The following GLYCTK variants were observed in gnomAD, a reference collection of about 807,000 sequenced individuals.
GLYCTK encodes the protein HBeAg binding protein 4.
A neutral mutation model predicts 24.8 loss-of-function variants in GLYCTK; 22 were observed. That is an observed-to-expected ratio of 0.89 (90% CI 0.63 to 1.27). The LOEUF (loss-of-function observed/expected upper bound fraction) is 1.27, where lower values mean the gene tolerates loss of function less well. Among genes scored for constraint, GLYCTK ranks in the 50% most tolerant of loss-of-function variants. The pLI is 0.00. For synonymous variants in GLYCTK, 320 were observed against 297.2 expected, an observed-to-expected ratio of 1.08 and a Z score of -0.79; for missense variants, 684 against 686.7, an observed-to-expected ratio of 1.00 and a Z score of 0.04.
intron 3 of GLYCTK, chr3:52,291,392 A>C: frequency 1.7e-6 from 1 of 585,510 alleles, no homozygotes. Context: ...GAGTCCTTGG[A>C]AAATGTCACT....
rs750095774 is a variant in GLYCTK at position 52,290,676 on chromosome 3, G to A, written c.334G>A (p.Val112Ile). The A allele has an allele frequency of 1.2e-5, 19 of 1,613,318 alleles. No individual in the cohort carries two copies. The highest frequency in any genetic ancestry group is 2.2e-5 in the South Asian group (2 of 91,082). Residue 112 changes from valine (V) to isoleucine (I), a missense_variant, in exon 2 of 5, where the codon GTT (valine) becomes ATT (isoleucine). Transcript: ENST00000436784. ...GCATCTTGTGCAGGGCGTGATCAGCGTTCCCAAGGGGATCCGTGCTGCCAT... is the reference window on the plus strand; with the variant it reads ...GCATCTTGTGCAGGGCGTGATCAGCATTCCCAAGGGGATCCGTGCTGCCAT... ...GQHLVQGVIS[V>I]PKGIRAAMER...
intron 3 of GLYCTK, 173 bp from the exon 4 acceptor site, chr3:52,291,574 G>A: frequency 3.1e-6 from 2 of 635,792 alleles, no homozygotes; most frequent in Admixed American, 2.8e-5. Context: ...CAAGGCAGGG[G>A]CAACCTCAGG....
rs769647182 is a variant in GLYCTK at position 52,294,325 on chromosome 3, G to A, written c.*1199G>A. 1.5e-5 allele frequency: 8 copies of A among 534,534 alleles called. 1 individual carries two copies. The highest frequency in any genetic ancestry group is 9.8e-5 in the South Asian group (7 of 71,588). 33.1% of individuals were successfully genotyped at this position (534,534 alleles called of 1,614,324 possible). On this transcript the variant is annotated 3_prime_UTR_variant, in exon 5 of 5. Coordinates refer to ENST00000436784, the MANE Select transcript of GLYCTK (RefSeq NM_145262.4). ...GCGAGGCCTGGGGCTGCTCTTGCAGGCACTTCTTCCACCCCAACCCTCCCC... is the reference window on the plus strand; with the variant it reads ...GCGAGGCCTGGGGCTGCTCTTGCAGACACTTCTTCCACCCCAACCCTCCCC...
chr3:52,292,061 T>C, intron 4 of GLYCTK, 139 bp downstream of exon 4: 2 of 1,127,156 alleles, frequency 1.8e-6, no homozygotes, highest in Non-Finnish European at 2.6e-6. Context: ...GGTGACATCA[T>C]GGGAGGGGTG....
At chr3:52,288,941 C>T (rs932124521) in intron 1 of GLYCTK, 4 of 152,268 alleles carry the variant, frequency 2.6e-5, no homozygotes, top group Middle Eastern at 3.4e-3. Flanking sequence ...GAGAACTAGG[C>T]AAGCAAAATG....
Position 52,293,821 on chromosome 3 carries a change from C to A in GLYCTK, c.*695C>A, listed in dbSNP as rs760721069. 4.4e-6 allele frequency: 2 copies of A among 454,056 alleles called. No individual in the cohort carries two copies. The highest frequency in any genetic ancestry group is 4.7e-5 in the Admixed American group (2 of 42,560). 28.1% of individuals were successfully genotyped at this position (454,056 alleles called of 1,614,324 possible). ...TTCTCCAGCCTCAGCTTGTAGGCCT[C>A]GTTGGATGGATGTCCTTTCTGTCTT... On this transcript the variant is annotated 3_prime_UTR_variant, in exon 5 of 5. Transcript: ENST00000436784.
rs772318867 is a variant in GLYCTK at position 52,294,817 on chromosome 3, C to G, written c.*1691C>G. 3.5e-5 allele frequency: 16 copies of G among 454,014 alleles called. No individual in the cohort carries two copies. Among genetic ancestry groups the G allele is most frequent in the South Asian group, 2.3e-4 (15 of 64,472 alleles). 28.1% of individuals were successfully genotyped at this position (454,014 alleles called of 1,614,324 possible). On this transcript the variant is annotated 3_prime_UTR_variant, in exon 5 of 5. Coordinates refer to ENST00000436784, the MANE Select transcript of GLYCTK (RefSeq NM_145262.4). ...AGAGCTGGGGCAGGGGCTGCAGGAGCTGAGGGCCTGGCAGCCATGTCCCCA... is the reference window on the plus strand; with the variant it reads ...AGAGCTGGGGCAGGGGCTGCAGGAGGTGAGGGCCTGGCAGCCATGTCCCCA...
In GLYCTK at chr3:52,294,747, G is replaced by C. The variant is rs1399074009; in HGVS notation, c.*1621G>C. On this transcript the variant is annotated 3_prime_UTR_variant, in exon 5 of 5. Coordinates refer to ENST00000436784, the MANE Select transcript of GLYCTK (RefSeq NM_145262.4). Reference sequence around the variant, plus strand: ...CCTCAGTCCTTGCTCTTGGGAGCATGAGTATTGGCACTGGGTTCCAAGTTC... The same window carrying C: ...CCTCAGTCCTTGCTCTTGGGAGCATCAGTATTGGCACTGGGTTCCAAGTTC... 4.5e-6 allele frequency: 2 copies of C among 449,196 alleles called. No homozygotes were observed. The highest frequency in any genetic ancestry group is 3.1e-5 in the South Asian group (2 of 64,200). The allele number at this position is 449,196 out of a possible 1,614,324, so 27.8% of individuals were successfully genotyped here.
intron 3 of GLYCTK, chr3:52,291,384 G>C (rs924101572): frequency 2.7e-5 from 16 of 588,518 alleles, no homozygotes; most frequent in Non-Finnish European, 3.6e-5. Flanking sequence ...CATCCGTAGA[G>C]TCCTTGGAAA....
chr3:52,291,182 TC>T, intron 3 of GLYCTK, 71 bp downstream of exon 3: 1 of 1,575,840 alleles, frequency 6.3e-7, no homozygotes, highest in Admixed American at 1.7e-5. Flanking sequence ...CTTCGAGAGA[TC>T]AGGTCTGAGC....
In GLYCTK at chr3:52,290,572, T is replaced by C. The variant is rs767085193; in HGVS notation, c.230T>C (p.Leu77Pro). ...AAGGTGCGGGACCGGAACTTTCAGC[T>C]GAGGCAAAACCTCTACCTGGTGGGC... ...QLKVRDRNFQ[L>P]RQNLYLVGFG... Residue 77 changes from leucine to proline, a missense_variant, in exon 2 of 5, where the codon CTG (leucine) becomes CCG (proline). By Grantham distance (98) the Leu-to-Pro change is moderately conservative (BLOSUM62 -3). Transcript: ENST00000436784. The C allele has an allele frequency of 1.2e-6, 2 of 1,613,838 alleles. No individual in the cohort carries two copies. The highest frequency in any genetic ancestry group is 1.7e-6 in the Non-Finnish European group (2 of 1,180,024).
At position 52,292,790 on chromosome 3, in the gene GLYCTK, A is replaced by G. The variant is rs1348569245; in HGVS notation, c.1236A>G (p.Val412=). ...TGCTGGCTGGTGGCGAGCCCACAGT[A>G]CAGCTGCAGGGCTCGGGCAGGGGTG... is the stretch of plus-strand genomic sequence containing the variant. ...VCLLAGGEPT[V]QLQGSGRGGR... The change falls in exon 5 of 5, where the codon GTA becomes GTG. Residue 412 remains valine, a synonymous_variant. Transcript: ENST00000436784. The G allele has an allele frequency of 6.2e-7, 1 of 1,610,806 alleles. No individual in the cohort carries two copies. The highest frequency in any genetic ancestry group is 1.1e-5 in the South Asian group (1 of 90,760).
intron 1 of GLYCTK, among the ~76,000 whole-genome samples, chr3:52,289,619 C>G (rs1700396671): frequency 6.6e-6 from 1 of 152,252 alleles, no homozygotes; most frequent in Non-Finnish European, 1.5e-5. Context: ...ATGAGCCAGA[C>G]TTTGCCCTCA....
At chr3:52,288,038 G>A (rs1407021309) in intron 1 of GLYCTK, 162 bp downstream of exon 1, 1 of 292,204 alleles carries the variant, frequency 3.4e-6, no homozygotes. Context: ...CGTCACTTCC[G>A]GCCCCCTACT....
At chr3:52,290,274 A>C (rs770813462) in intron 1 of GLYCTK, 30 bp from the exon 2 acceptor site, 2 of 1,550,668 alleles carry the variant, frequency 1.3e-6, no homozygotes, top group East Asian at 4.5e-5. Flanking sequence ...TTTGCCTTGC[A>C]AGGGCCTCAG....
rs1345991477 is a variant in GLYCTK, at chr3:52,293,372, G to C, written c.*246G>C. ...GAGGACAAGCCCCTCGGCCAGTTCA[G>C]CGTTCCCGTGCTTCTCCCTTGGGCA... is the stretch of plus-strand genomic sequence containing the variant. On this transcript the variant is annotated 3_prime_UTR_variant, in exon 5 of 5. Coordinates refer to ENST00000436784, the MANE Select transcript of GLYCTK (RefSeq NM_145262.4). 2 of 687,194 alleles carry C rather than the reference G, an allele frequency of 2.9e-6. No individual in the cohort carries two copies. Among genetic ancestry groups the C allele is most frequent in the South Asian group, 1.5e-5 (1 of 66,660 alleles). 42.6% of individuals were successfully genotyped at this position (687,194 alleles called of 1,614,324 possible). A position where few individuals can be genotyped will look rare whatever the true frequency, so the allele number is the denominator to read the frequency against.
Position 52,290,695 on chromosome 3 carries a change from C to T in GLYCTK, c.353C>T (p.Ala118Val), listed in dbSNP as rs754906771. Reference protein sequence around the residue: ...GVISVPKGIRAAMERAGKQEM... With the variant: ...GVISVPKGIRVAMERAGKQEM... ...ATCAGCGTTCCCAAGGGGATCCGTG[C>T]TGCCATGGAGCGTGCCGGCAAGCAG... The change falls in exon 2 of 5, where the codon GCT becomes GTT. Residue 118 changes from alanine to valine, a missense_variant. By Grantham distance (64) the Ala-to-Val change is moderately conservative (BLOSUM62 0). Coordinates refer to ENST00000436784, the MANE Select transcript of GLYCTK (RefSeq NM_145262.4). 1.5e-5 allele frequency: 24 copies of T among 1,612,866 alleles called. No individual in the cohort carries two copies. Among genetic ancestry groups the T allele is most frequent in the Admixed American group, 3.3e-5 (2 of 59,992 alleles).
At chr3:52,290,823 T>C in intron 2 of GLYCTK, 104 bp downstream of exon 2, 1 of 1,582,926 alleles carries the variant, frequency 6.3e-7, no homozygotes, top group East Asian at 2.3e-5. Context: ...TTCCCATTTC[T>C]CCTGGATCTG....
intron 4 of GLYCTK, 95 bp from the exon 5 acceptor site, chr3:52,292,165 G>A: frequency 6.7e-7 from 1 of 1,502,476 alleles, no homozygotes; most frequent in Non-Finnish European, 9.2e-7. Context: ...CTGAGTTGGG[G>A]GAGGGTGTGT....
Sources: gnomAD v4.1 joint callset for allele counts (sites outside exome capture counted in the v4.1 genomes callset) on GRCh38, gnomAD v4.1.1 for gene constraint, MANE v1.5 for transcripts, NCBI Gene and HGNC (gene_info 2026-07-23, HGNC 2026-07-21) for gene names.